IL1RAPL1: variants seen among roughly 807,000 people sequenced by gnomAD.
IL1RAPL1 encodes the protein interleukin 1 receptor accessory protein like 1.
A neutral mutation model predicts 48.4 loss-of-function variants in IL1RAPL1; 3 were observed. That is an observed-to-expected ratio of 0.06 (90% CI 0.03 to 0.16). The LOEUF (loss-of-function observed/expected upper bound fraction) is 0.16. IL1RAPL1 is among the 10% of genes least tolerant of loss of function. The pLI, the probability that IL1RAPL1 is intolerant of heterozygous loss-of-function variation, is 1.00. For synonymous variants in IL1RAPL1, 185 were observed against 187.7 expected, an observed-to-expected ratio of 0.99 and a Z score of 0.12; for missense variants, 349 against 530.6, an observed-to-expected ratio of 0.66 and a Z score of 3.36.
rs181414450 is a variant in IL1RAPL1, at chrX:29,743,772, C to T, written c.778+75268C>T. ...TGCTAGGATTACAGGCGTGAGCCAC[C>T]GCACCCGGCCAAGGTCTTTCTCTTT... On this transcript the variant is annotated intron_variant, in intron 6 of 10. Coordinates refer to ENST00000378993, the MANE Select transcript of IL1RAPL1 (RefSeq NM_014271.4). Among the ~76,000 whole-genome samples the T allele has an allele frequency of 5.0e-3, 565 of 112,000 alleles. 3 individuals carry two copies. Among genetic ancestry groups the T allele is most frequent in the African/African-American group, 0.017 (538 of 30,842 alleles).
At chrX:29,630,239 A>G (rs1924729965) in intron 5 of IL1RAPL1, among the ~76,000 whole-genome samples, 1 of 111,018 alleles carries the variant, frequency 9.0e-6, no homozygotes, top group African/African-American at 3.3e-5. Context: ...CTTCATCCCT[A>G]TGACCTAACC....
intron 1 of IL1RAPL1, among the ~76,000 whole-genome samples, chrX:28,722,979 G>A (rs1434798548): frequency 9.0e-6 from 1 of 111,543 alleles, no homozygotes; most frequent in African/African-American, 3.3e-5. Flanking sequence ...TTGATGTGCT[G>A]CTGGATTCGG....
intron 1 of IL1RAPL1, among the ~76,000 whole-genome samples, chrX:28,731,077 A>T (rs1167986313): frequency 8.9e-6 from 1 of 111,958 alleles, no homozygotes; most frequent in Non-Finnish European, 1.9e-5. Context: ...TGTAATAATG[A>T]TATCCCTATA....
chrX:29,842,764 A>G (rs962245881), intron 6 of IL1RAPL1, among the ~76,000 whole-genome samples: 3 of 112,235 alleles, frequency 2.7e-5, no homozygotes, highest in Non-Finnish European at 5.6e-5. Context: ...CGGAGACTTC[A>G]GTTTCCTGGA....
chrX:29,297,068 T>G (rs1219722909), intron 3 of IL1RAPL1, among the ~76,000 whole-genome samples: 1 of 111,897 alleles, frequency 8.9e-6, no homozygotes, highest in Non-Finnish European at 1.9e-5. Flanking sequence ...TTTTTTCTCA[T>G]GAAGGTCCCA....
chrX:29,725,542 C>T (rs1167483628), intron 6 of IL1RAPL1, among the ~76,000 whole-genome samples: 2 of 111,344 alleles, frequency 1.8e-5, no homozygotes, highest in Admixed American at 9.6e-5. Context: ...TTAGATTCTT[C>T]TTAAATTGGA....
At chrX:29,228,740 G>A (rs927333880) in intron 2 of IL1RAPL1, among the ~76,000 whole-genome samples, 24 of 112,030 alleles carry the variant, frequency 2.1e-4, no homozygotes, top group African/African-American at 7.5e-4. Context: ...AACAGTATAT[G>A]TGTTGAGGAA....
intron 3 of IL1RAPL1, among the ~76,000 whole-genome samples, chrX:29,334,094 C>T (rs1282410789): frequency 1.1e-4 from 9 of 85,137 alleles, no homozygotes; most frequent in Non-Finnish European, 1.6e-4. Flanking sequence ...ACCTCCCTCC[C>T]GGACGGGGCG....
intron 5 of IL1RAPL1, among the ~76,000 whole-genome samples, chrX:29,495,337 T>C (rs1451976312): frequency 8.9e-6 from 1 of 112,043 alleles, no homozygotes; most frequent in African/African-American, 3.2e-5. Context: ...TAAAACTAAG[T>C]TTATTTATTT....
chrX:29,809,261 T>G (rs2147176760), intron 6 of IL1RAPL1, among the ~76,000 whole-genome samples: 1 of 107,228 alleles, frequency 9.3e-6, no homozygotes, highest in South Asian at 4.2e-4. Flanking sequence ...CATGCCAAGC[T>G]AATTTTTTGC....
intron 5 of IL1RAPL1, among the ~76,000 whole-genome samples, chrX:29,441,714 CTTA>C (rs1400599553): frequency 8.9e-6 from 1 of 111,957 alleles, no homozygotes; most frequent in African/African-American, 3.2e-5. Flanking sequence ...CTGATGGCAC[CTTA>C]TTATTTTATT....
At chrX:29,086,333 A>G (rs1927951723) in intron 2 of IL1RAPL1, among the ~76,000 whole-genome samples, 1 of 112,312 alleles carries the variant, frequency 8.9e-6, no homozygotes, top group Admixed American at 9.5e-5. Flanking sequence ...GAAAAAAGGA[A>G]AAAATATTAT....
intron 6 of IL1RAPL1, among the ~76,000 whole-genome samples, chrX:29,720,850 A>C (rs1490260401): frequency 1.8e-5 from 2 of 112,401 alleles, no homozygotes; most frequent in African/African-American, 6.5e-5. Context: ...GCAAAAATAG[A>C]ATTTTGATTT....
chrX:29,740,753 C>A (rs930919580), intron 6 of IL1RAPL1, among the ~76,000 whole-genome samples: 1 of 111,865 alleles, frequency 8.9e-6, no homozygotes, highest in Admixed American at 9.5e-5. Flanking sequence ...ACCCTCACCC[C>A]CTCACGACAA....
intron 2 of IL1RAPL1, among the ~76,000 whole-genome samples, chrX:29,023,252 C>T (rs1265111314): frequency 8.9e-6 from 1 of 112,438 alleles, no homozygotes; most frequent in Non-Finnish European, 1.9e-5. Context: ...ATCTTTATTC[C>T]ATCTTTCTCC....
chrX:28,698,721 G>A (rs937520061), intron 1 of IL1RAPL1, among the ~76,000 whole-genome samples: 13 of 111,715 alleles, frequency 1.2e-4, no homozygotes, highest in Non-Finnish European at 2.3e-4. Flanking sequence ...CCATTGAAAT[G>A]AAGGAAGAAC....
chrX:29,704,915 T>A (rs1927152265), intron 6 of IL1RAPL1, among the ~76,000 whole-genome samples: 1 of 111,456 alleles, frequency 9.0e-6, no homozygotes, highest in Admixed American at 9.6e-5. Flanking sequence ...TTTCAATTTT[T>A]TTAATTTTTT....
chrX:28,858,817 G>A (rs147530963), intron 2 of IL1RAPL1, among the ~76,000 whole-genome samples: 311 of 112,106 alleles, frequency 2.8e-3, no homozygotes, highest in Non-Finnish European at 4.8e-3. Context: ...TGGTGATAAC[G>A]GAAAGCAATT....
In IL1RAPL1 at chrX:29,452,043, A is replaced by G. The variant is rs188150391; in HGVS notation, c.703+52735A>G. Among the ~76,000 whole-genome samples, 158 of 111,965 alleles carry G rather than the reference A, an allele frequency of 1.4e-3. 1 individual carries two copies. The highest frequency in any genetic ancestry group is 4.8e-3 in the African/African-American group (149 of 30,896). On this transcript the variant is annotated intron_variant, in intron 5 of 10. Transcript: ENST00000378993. ...TCAGTTAGTCAAAGTCAAAATAACA[A>G]AATAAGAAACGTCAAGTAAGTAAAT...
Sources: gnomAD v4.1 joint callset for allele counts (sites outside exome capture counted in the v4.1 genomes callset) on GRCh38, gnomAD v4.1.1 for gene constraint, MANE v1.5 for transcripts, NCBI Gene and HGNC (gene_info 2026-07-23, HGNC 2026-07-21) for gene names.